EPHA1: variants seen among roughly 807,000 people sequenced by gnomAD.
The protein encoded by EPHA1 is EPH receptor A1, also known as ephrin type-A receptor 1.
EPHA1 carries 92 observed loss-of-function variants against 110.1 expected under a neutral mutation model. That is an observed-to-expected ratio of 0.84 (90% CI 0.71 to 0.99). EPHA1 has a LOEUF of 0.99. Ranked by LOEUF, EPHA1 falls within the 50% of genes least tolerant of loss-of-function variation. The pLI, the probability that EPHA1 is intolerant of heterozygous loss-of-function variation, is 0.00. For synonymous variants in EPHA1, 500 were observed against 516.1 expected, an observed-to-expected ratio of 0.97 and a Z score of 0.42; for missense variants, 1,204 against 1,285.4, an observed-to-expected ratio of 0.94 and a Z score of 0.97.
intron 1 of EPHA1, among the ~76,000 whole-genome samples, chr7:143,408,311 C>G (rs1056486290): frequency 2.6e-5 from 4 of 152,318 alleles, no homozygotes; most frequent in Non-Finnish European, 1.5e-5. Flanking sequence ...CCGGAGGCAG[C>G]TCCCTCTGTC....
At chr7:143,397,748 T>C in intron 8 of EPHA1, 91 bp from the exon 9 acceptor site, 1 of 1,529,660 alleles carries the variant, frequency 6.5e-7, no homozygotes, top group East Asian at 2.3e-5. Flanking sequence ...ACACCTAGGG[T>C]CAGACCTTTC....
chr7:143,408,073 C>T (rs1805606043), intron 1 of EPHA1, among the ~76,000 whole-genome samples: 3 of 152,106 alleles, frequency 2.0e-5, no homozygotes, highest in African/African-American at 7.2e-5. Context: ...CAGGGTGGAC[C>T]GGGGACCTCA....
Position 143,394,841 on chromosome 7 carries a change from G to C in EPHA1, c.2319C>G (p.Leu773=), listed in dbSNP as rs746581251. Residue 773 remains leucine (L), a synonymous_variant, in exon 14 of 18, where the codon CTC becomes CTG. Transcript: ENST00000275815. ...CKVSDFGLTR[L]LDDFDGTYET... ...CGTATGTGCCATCAAAGTCATCCAG[G>C]AGGCGAGTCAGGCCAAAGTCAGACA... 10 of 1,614,150 alleles carry C rather than the reference G, an allele frequency of 6.2e-6. No individual in the cohort carries two copies. The highest frequency in any genetic ancestry group is 8.5e-6 in the Non-Finnish European group (10 of 1,180,034).
At chr7:143,405,201 C>T (rs1805514606) in intron 2 of EPHA1, among the ~76,000 whole-genome samples, 1 of 151,922 alleles carries the variant, frequency 6.6e-6, no homozygotes, top group Non-Finnish European at 1.5e-5. Context: ...GTCAGGTGGG[C>T]AGGGTGGTGA....
chr7:143,396,080 C>T (rs1052136386), intron 11 of EPHA1, among the ~76,000 whole-genome samples: 1 of 152,218 alleles, frequency 6.6e-6, no homozygotes, highest in Non-Finnish European at 1.5e-5. Context: ...TCTGGACCCT[C>T]AGCACAGCAG....
chr7:143,402,235 T>TA (rs949041504), intron 2 of EPHA1, among the ~76,000 whole-genome samples: 1 of 152,114 alleles, frequency 6.6e-6, no homozygotes, highest in Non-Finnish European at 1.5e-5. Context: ...TTTTAATTAT[T>TA]AAAACCCTTT....
In EPHA1 at chr7:143,391,290, AAG is replaced by A. The variant is rs1316799760; in HGVS notation, c.*165_*166del. On this transcript the variant is annotated 3_prime_UTR_variant, in exon 18 of 18. Transcript: ENST00000275815. ...CTACCCCCACCTCCCTTTTAAAACA[AAG>A]AGGTTTTCTGGGGTGCAGAGCAGGG... 2.7e-5 allele frequency: 21 copies of A among 763,840 alleles called. 1 individual carries two copies. Among genetic ancestry groups the A allele is most frequent in the Non-Finnish European group, 1.5e-5 (7 of 475,740 alleles). 47.3% of individuals were successfully genotyped at this position (763,840 alleles called of 1,614,324 possible).
chr7:143,396,848 CAG>C (rs1285299921), intron 10 of EPHA1, among the ~76,000 whole-genome samples: 27 of 152,202 alleles, frequency 1.8e-4, no homozygotes, highest in Non-Finnish European at 2.9e-5. Context: ...CATTCCCAGA[CAG>C]AGCCGCGCAT....
chr7:143,399,372 G>A lies in EPHA1; in HGVS notation c.877C>T (p.His293Tyr). Residue 293 changes from histidine (H) to tyrosine (Y), a missense_variant, in exon 5 of 18, where the codon CAT (histidine) becomes TAT (tyrosine). Transcript: ENST00000275815. ...CTCTGCTGGGGGCACGTGAGACAAT[G>A]GGGTGTGTCCATGTCCATCCGGTAG... is the stretch of plus-strand genomic sequence containing the variant. Reference protein sequence around the residue: ...GSYRMDMDTPHCLTCPQQSTA... With the variant: ...GSYRMDMDTPYCLTCPQQSTA... 6.2e-7 allele frequency: 1 copy of A among 1,610,230 alleles called. No individual in the cohort carries two copies. The highest frequency in any genetic ancestry group is 8.5e-7 in the Non-Finnish European group (1 of 1,178,242).
chr7:143,397,623 G>C lies in EPHA1; in HGVS notation c.1650C>G (p.Ala550=). Residue 550 remains alanine, a synonymous_variant, in exon 9 of 18, where the codon GCC becomes GCG. Transcript: ENST00000275815. The stretch of plus-strand genomic sequence containing the variant: ...CACCAAGCAGCAGCCCAAAGATGAC[G>C]GCTACAATCTCTCCTCCAGTCAGGC... ...SRGLTGGEIV[A]VIFGLLLGAA... 6.2e-7 allele frequency: 1 copy of C among 1,614,182 alleles called. No individual in the cohort carries two copies. The highest frequency in any genetic ancestry group is 1.1e-5 in the South Asian group (1 of 91,086).
chr7:143,401,459 C>T lies in EPHA1; in HGVS notation c.297G>A (p.Leu99=), dbSNP rs759438090. 6.2e-7 allele frequency: 1 copy of T among 1,614,028 alleles called. No individual in the cohort carries two copies. The highest frequency in any genetic ancestry group is 1.3e-5 in the African/African-American group (1 of 74,940). Residue 99 remains leucine (L), a synonymous_variant, in exon 3 of 18, where the codon CTG becomes CTA. Transcript: ENST00000275815. This position sits in a 1 kb window ranked among gnomAD's most constrained non-coding sequence, Gnocchi z 4.1. ...TCTTGCAGTCCCGCACGGTGAACTG[C>T]AGCTCCACGTGGACGCGGGAAGCCT... The part of the protein sequence containing the change: ...GEEASRVHVE[L]QFTVRDCKSF...
chr7:143,407,815 G>A (rs1805598019), intron 1 of EPHA1, 137 bp from the exon 2 acceptor site: 1 of 705,352 alleles, frequency 1.4e-6, no homozygotes, highest in Non-Finnish European at 2.4e-6. Context: ...AGGCTTAGGG[G>A]AGAAAAAGGG....
At position 143,401,586 on chromosome 7, in the gene EPHA1, A is replaced by G. The variant is rs769627585; in HGVS notation, c.170T>C (p.Ile57Thr). Residue 57 changes from isoleucine to threonine, a missense_variant, in exon 3 of 18, where the codon ATA (isoleucine) becomes ACA (threonine). Transcript: ENST00000275815. This position sits in a 1 kb window ranked among gnomAD's most constrained non-coding sequence, Gnocchi z 4.1. ...CATGTACAGGGGTGTCCCATTCAGT[A>G]TCTGTTGCTGTTCACTCCACTGCAA... is the stretch of plus-strand genomic sequence containing the variant. ...PKDGWSEQQQ[I>T]LNGTPLYMYQ... 5.0e-6 allele frequency: 8 copies of G among 1,613,064 alleles called. No homozygotes were observed. The Admixed American group carries it at 1.2e-4, about 24-fold the overall frequency.
Position 143,399,400 on chromosome 7 carries a change from G to A in EPHA1, c.849C>T (p.Gly283=). ...SGEACVACPS[G]SYRMDMDTPH... ...GTGTGTCCATGTCCATCCGGTAGGA[G>A]CCGCTAGGGCAGGCTGGAGAGAGAA... Residue 283 remains glycine (G), a synonymous_variant, in exon 5 of 18, where the codon GGC becomes GGT. Coordinates refer to ENST00000275815, the MANE Select transcript of EPHA1 (RefSeq NM_005232.5). The A allele has an allele frequency of 1.9e-6, 3 of 1,589,940 alleles. No homozygotes were observed. Among genetic ancestry groups the A allele is most frequent in the East Asian group, 4.5e-5 (2 of 44,576 alleles).
intron 15 of EPHA1, 81 bp downstream of exon 15, chr7:143,394,113 G>A (rs1192444100): frequency 7.3e-6 from 11 of 1,506,734 alleles, no homozygotes; most frequent in Non-Finnish European, 8.9e-7. Context: ...GATATTTGCA[G>A]GAAAAGGCCA....
intron 1 of EPHA1, among the ~76,000 whole-genome samples, chr7:143,408,143 C>G (rs1016539835): frequency 3.9e-5 from 6 of 152,166 alleles, no homozygotes; most frequent in South Asian, 2.1e-4. Context: ...TTTGGCCTGA[C>G]CTGGCCAGTG....
At chr7:143,397,731 C>T in intron 8 of EPHA1, 74 bp from the exon 9 acceptor site, 1 of 1,574,066 alleles carries the variant, frequency 6.4e-7, no homozygotes, top group East Asian at 2.3e-5. Context: ...AGGGCAGGGC[C>T]CTGGGTACAC....
chr7:143,396,957 G>A (rs151056961), intron 10 of EPHA1, among the ~76,000 whole-genome samples: 10 of 152,226 alleles, frequency 6.6e-5, no homozygotes, highest in Middle Eastern at 3.4e-3. Flanking sequence ...CTCGGAGGAC[G>A]TCAATCCTCC....
At chr7:143,394,678 C>A in intron 14 of EPHA1, 130 bp downstream of exon 14, 3 of 1,141,292 alleles carry the variant, frequency 2.6e-6, no homozygotes, top group Non-Finnish European at 3.7e-6. Flanking sequence ...CCTCGGCCTC[C>A]CAAAGTGCTG....
Sources: gnomAD v4.1 joint callset for allele counts (sites outside exome capture counted in the v4.1 genomes callset) on GRCh38, gnomAD v4.1.1 for gene constraint, Gnocchi (gnomAD v3.1) non-coding constraint, MANE v1.5 for transcripts, NCBI Gene and HGNC (gene_info 2026-07-23, HGNC 2026-07-21) for gene names.